Variants in SLC44A3 observed in about 807,000 individuals in gnomAD.
SLC44A3 encodes the protein solute carrier family 44 member 3, also known as choline transporter-like protein 3.
In SLC44A3, 74 loss-of-function variants were observed where a neutral mutation model predicts 75.4. That is an observed-to-expected ratio of 0.98 (90% confidence interval 0.81 to 1.19). SLC44A3 has a LOEUF of 1.19. Among genes scored for constraint, SLC44A3 ranks in the 50% most tolerant of loss-of-function variants. The probability of loss-of-function intolerance (pLI) is 0.00; values close to 1 mark genes in which losing one functional copy is unlikely to be tolerated. For synonymous variants in SLC44A3, 310 were observed against 296.9 expected (o/e 1.04, Z -0.45); for missense variants, 700 against 778.6 (o/e 0.90, Z 1.20).
intron 6 of SLC44A3, 74 bp downstream of exon 6, chr1:94,837,945 A>G: frequency 7.8e-7 from 1 of 1,280,436 alleles, no homozygotes; most frequent in Non-Finnish European, 1.1e-6. Context: ...TATGTTGTAC[A>G]ATGAAAATTA....
chr1:94,884,385 G>A (rs1669336140), intron 12 of SLC44A3, among the ~76,000 whole-genome samples: 1 of 152,244 alleles, frequency 6.6e-6, no homozygotes, highest in Admixed American at 6.5e-5. Flanking sequence ...ACTGGTCTGG[G>A]ACGGTTCCTG....
At chr1:94,863,115 T>G (rs1466662632) in intron 10 of SLC44A3, among the ~76,000 whole-genome samples, 3 of 152,072 alleles carry the variant, frequency 2.0e-5, no homozygotes, top group Admixed American at 6.5e-5. Flanking sequence ...AGGTATTGAG[T>G]GACTCCTGGC....
Position 94,867,418 on chromosome 1 carries a change from G to A in SLC44A3, c.1482+1G>A. The A allele has an allele frequency of 6.2e-7, 1 of 1,604,002 alleles. No individual in the cohort carries two copies. The highest frequency in any genetic ancestry group is 8.5e-7 in the Non-Finnish European group (1 of 1,174,094). Reference sequence around the variant, plus strand: ...CAAATACCTGCTCCATCTCAACCAGGTACGTCTCTACCTCTTGCCTCAGGA... The same window carrying A: ...CAAATACCTGCTCCATCTCAACCAGATACGTCTCTACCTCTTGCCTCAGGA... On this transcript the variant is annotated splice_donor_variant, in intron 12 of 14. Transcript: ENST00000271227. LOFTEE classifies it high-confidence loss of function.
At chr1:94,883,716 T>A (rs859075) in intron 12 of SLC44A3, among the ~76,000 whole-genome samples, 2 of 152,350 alleles carry the variant, frequency 1.3e-5, no homozygotes, top group East Asian at 3.9e-4. Flanking sequence ...AACTTCCTAA[T>A]GTTTCAGAAG....
chr1:94,880,231 T>G (rs898080597), intron 12 of SLC44A3, among the ~76,000 whole-genome samples: 1 of 152,232 alleles, frequency 6.6e-6, no homozygotes, highest in Non-Finnish European at 1.5e-5. Flanking sequence ...CCTGTGTTCA[T>G]CACAGCATAC....
At chr1:94,842,371 C>T (rs540622139) in intron 8 of SLC44A3, among the ~76,000 whole-genome samples, 1 of 152,362 alleles carries the variant, frequency 6.6e-6, no homozygotes, top group East Asian at 1.9e-4. Context: ...TGCTGTTGCA[C>T]TGTTCTCAGC....
At position 94,826,495 on chromosome 1, in the gene SLC44A3, A is replaced by G. The variant is rs146064386; in HGVS notation, c.279-1012A>G. Among the ~76,000 whole-genome samples, 101 of 152,260 alleles carry G rather than the reference A, an allele frequency of 6.6e-4. 2 individuals are homozygous for G. The East Asian group carries it at 0.018, about 27-fold the overall frequency. ...GTGAAACCCTGTCTCTACTAGAAATACAAAAATTAGCCAGGTGTGGTGGCA... is the reference window on the plus strand; with the variant it reads ...GTGAAACCCTGTCTCTACTAGAAATGCAAAAATTAGCCAGGTGTGGTGGCA... On this transcript the variant is annotated intron_variant, in intron 3 of 14. Coordinates refer to ENST00000271227, the MANE Select transcript of SLC44A3 (RefSeq NM_001114106.3).
At chr1:94,894,642 C>A (rs72962442) in intron 14 of SLC44A3, among the ~76,000 whole-genome samples, 176 bp from the exon 15 acceptor site, 6,340 of 152,256 alleles carry the variant, frequency 0.042, 265 homozygotes, top group African/African-American at 0.1. Flanking sequence ...CATTTAGACA[C>A]TCACTGTGAT....
At chr1:94,892,942 A>T (rs1007812329) in intron 14 of SLC44A3, among the ~76,000 whole-genome samples, 6 of 152,204 alleles carry the variant, frequency 3.9e-5, no homozygotes, top group African/African-American at 1.4e-4. Context: ...TATATTAGGG[A>T]GAGCACACTT....
rs1666970331 is a variant in SLC44A3 at position 94,864,787 on chromosome 1, C to G, written c.1283C>G (p.Ser428Cys). Reference sequence around the variant, plus strand: ...GATCATCCCATCCTTTCGTCTCTCTCCATTCTCTTCTTCTACCATCAAGGA... The same window carrying G: ...GATCATCCCATCCTTTCGTCTCTCTGCATTCTCTTCTTCTACCATCAAGGA... Reference protein sequence around the residue: ...PPDHPILSSLSILFFYHQGTV... With the variant: ...PPDHPILSSLCILFFYHQGTV... The change falls in exon 11 of 15, where the codon TCC becomes TGC. Residue 428 changes from serine to cysteine, a missense_variant. Ser to Cys is a moderately radical substitution (Grantham distance 112). Transcript: ENST00000271227. The G allele has an allele frequency of 1.2e-6, 2 of 1,614,002 alleles. No homozygotes were observed. The highest frequency in any genetic ancestry group is 1.7e-6 in the Non-Finnish European group (2 of 1,179,916).
At chr1:94,881,999 G>A (rs1669055995) in intron 12 of SLC44A3, among the ~76,000 whole-genome samples, 1 of 151,804 alleles carries the variant, frequency 6.6e-6, no homozygotes, top group Admixed American at 6.6e-5. Flanking sequence ...TAGCCTGGGT[G>A]AGAGAGCGAG....
At chr1:94,844,633 G>T (rs1664154940) in intron 8 of SLC44A3, among the ~76,000 whole-genome samples, 1 of 152,224 alleles carries the variant, frequency 6.6e-6, no homozygotes, top group South Asian at 2.1e-4. Flanking sequence ...GAGGTCACAT[G>T]AAGTGACTTC....
At chr1:94,822,270 T>C (rs934028761) in intron 2 of SLC44A3, among the ~76,000 whole-genome samples, 1 of 152,190 alleles carries the variant, frequency 6.6e-6, no homozygotes, top group Non-Finnish European at 1.5e-5. Flanking sequence ...TATCACAGCC[T>C]GAAGAATTGT....
At chr1:94,862,999 C>T (rs540830584) in intron 10 of SLC44A3, among the ~76,000 whole-genome samples, 56 of 152,204 alleles carry the variant, frequency 3.7e-4, no homozygotes, top group African/African-American at 1.2e-3. Flanking sequence ...GGTAGGATGA[C>T]GTTACCTTTG....
At chr1:94,833,018 C>A (rs1662322926) in intron 5 of SLC44A3, among the ~76,000 whole-genome samples, 1 of 151,604 alleles carries the variant, frequency 6.6e-6, no homozygotes, top group African/African-American at 2.4e-5. Flanking sequence ...ATAAACTTCT[C>A]ACTTGATCGG....
At position 94,891,192 on chromosome 1, in the gene SLC44A3, C is replaced by G; in HGVS notation, c.1545C>G (p.Phe515Leu). The change falls in exon 13 of 15, where the codon TTC (phenylalanine) becomes TTG (leucine). Residue 515 changes from phenylalanine (F) to leucine (L), a missense_variant. Transcript: ENST00000271227. ...TCTGTACATCAGCAAAAGATGCATTCAAAATCTTGTCCAAGAACTCAAGTC... is the reference window on the plus strand; with the variant it reads ...TCTGTACATCAGCAAAAGATGCATTGAAAATCTTGTCCAAGAACTCAAGTC... ...TDFCTSAKDAFKILSKNSSHF... is the reference protein window; with the variant it reads ...TDFCTSAKDALKILSKNSSHF... 6.2e-7 allele frequency: 1 copy of G among 1,613,592 alleles called. No homozygotes were observed. The highest frequency in any genetic ancestry group is 1.1e-5 in the South Asian group (1 of 91,040).
intron 6 of SLC44A3, chr1:94,839,084 G>C (rs1663205096): frequency 6.6e-6 from 1 of 152,222 alleles, no homozygotes; most frequent in African/African-American, 2.4e-5. Context: ...ACCCAGATCT[G>C]TGTGGTCCCA....
At chr1:94,878,915 A>G (rs1668619237) in intron 12 of SLC44A3, among the ~76,000 whole-genome samples, 1 of 152,226 alleles carries the variant, frequency 6.6e-6, no homozygotes. Flanking sequence ...CTTACCTTAT[A>G]CAGGAAAATT....
At chr1:94,853,862 A>ATT (rs34191139) in intron 9 of SLC44A3, among the ~76,000 whole-genome samples, 8,093 of 145,602 alleles carry the variant, frequency 0.056, 233 homozygotes, top group Non-Finnish European at 0.06. Context: ...CCTCTCTCTG[A>ATT]TTTTTTTTTT....
Sources: gnomAD v4.1 joint callset for allele counts (sites outside exome capture counted in the v4.1 genomes callset) on GRCh38, gnomAD v4.1.1 for gene constraint, MANE v1.5 for transcripts, NCBI Gene and HGNC (gene_info 2026-07-23, HGNC 2026-07-21) for gene names.